The following SORCS3 variants were observed in gnomAD, a reference collection of about 807,000 sequenced individuals.
The protein encoded by SORCS3 is sortilin related VPS10 domain containing receptor 3.
SORCS3 carries 57 observed loss-of-function variants against 146.3 expected under a neutral mutation model. The ratio of observed to expected loss-of-function variants is 0.39; its 90% confidence interval spans 0.31 to 0.49. The LOEUF is 0.49. Among genes scored for constraint, SORCS3 ranks in the 20% least tolerant of loss-of-function variants. The probability of loss-of-function intolerance (pLI) is 0.92; values close to 1 mark genes in which losing one functional copy is unlikely to be tolerated. For missense variants in SORCS3, 1,341 were observed against 1,575.5 expected, an observed-to-expected ratio of 0.85 and a Z score of 2.52; for synonymous variants, 653 against 618.5, an observed-to-expected ratio of 1.06 and a Z score of -0.83.
rs182249126 is a variant in SORCS3 at position 104,989,112 on chromosome 10, G to A, written c.954+11619G>A. Among the ~76,000 whole-genome samples, 26 of 152,312 alleles carry A rather than the reference G, an allele frequency of 1.7e-4. 1 individual carries two copies. The highest frequency in any genetic ancestry group is 6.0e-4 in the African/African-American group (25 of 41,584). On this transcript the variant is annotated intron_variant, in intron 4 of 26. Coordinates refer to ENST00000369701, the MANE Select transcript of SORCS3 (RefSeq NM_014978.3). ...GGAAGCATTGTGAAGTATTTGTATT[G>A]CTGCGTGTTTCATTGCCGTATAATA...
At chr10:104,923,471 T>C (rs1441499634) in intron 3 of SORCS3, among the ~76,000 whole-genome samples, 1 of 152,224 alleles carries the variant, frequency 6.6e-6, no homozygotes, top group African/African-American at 2.4e-5. Context: ...ACACACTGGC[T>C]CTGCTGGTAG....
chr10:105,259,556 T>C (rs2056949114), intron 25 of SORCS3, among the ~76,000 whole-genome samples: 1 of 152,206 alleles, frequency 6.6e-6, no homozygotes. Flanking sequence ...CAGGCTCTCT[T>C]GCTCTTGGAT....
intron 1 of SORCS3, among the ~76,000 whole-genome samples, chr10:104,681,135 G>A (rs769230785): frequency 6.6e-6 from 1 of 152,218 alleles, no homozygotes; most frequent in Non-Finnish European, 1.5e-5. Context: ...GGAAATGTAC[G>A]TTATTTATTT....
rs530370840 is a variant in SORCS3, at chr10:104,859,797, A to C, written c.695+16938A>C. ...ACTTCTCAAAAGAAGACGTTTATGC[A>C]GCCAAAAGACACATGAAAAAATGCT... is the stretch of plus-strand genomic sequence containing the variant. On this transcript the variant is annotated intron_variant, in intron 2 of 26. Transcript: ENST00000369701. 4.3e-3 allele frequency among the ~76,000 whole-genome samples: 652 copies of C among 152,102 alleles called. 4 individuals are homozygous for C. Among genetic ancestry groups the C allele is most frequent in the South Asian group, 0.013 (61 of 4,820 alleles).
intron 14 of SORCS3, among the ~76,000 whole-genome samples, chr10:105,195,759 C>A (rs547804005): frequency 1.3e-5 from 2 of 152,304 alleles, no homozygotes; most frequent in East Asian, 1.9e-4. Flanking sequence ...AATACATTAA[C>A]GTCTGAAAGT....
chr10:105,072,589 T>A (rs985379301), intron 5 of SORCS3, among the ~76,000 whole-genome samples: 1 of 151,202 alleles, frequency 6.6e-6, no homozygotes, highest in Non-Finnish European at 1.5e-5. Flanking sequence ...AGGGCCTAGA[T>A]TTTTTCACAT....
chr10:104,903,293 C>T (rs1243969067), intron 2 of SORCS3, among the ~76,000 whole-genome samples: 1 of 152,156 alleles, frequency 6.6e-6, no homozygotes, highest in Non-Finnish European at 1.5e-5. Context: ...GGGTGACAGT[C>T]TTCCGAGAAA....
rs1039191413 is a variant in SORCS3 at position 105,184,964 on chromosome 10, C to T, written c.2009+6791C>T. 2.0e-5 allele frequency among the ~76,000 whole-genome samples: 3 copies of T among 152,158 alleles called. No homozygotes were observed. The East Asian group carries it at 5.8e-4, about 29-fold the overall frequency. On this transcript the variant is annotated intron_variant, in intron 14 of 26. Coordinates refer to ENST00000369701, the MANE Select transcript of SORCS3 (RefSeq NM_014978.3). ...ACTTTATGTGCATTGAAGAACTCTT[C>T]ATTTTCACCTCCTCCTGCCCCTGGC...
chr10:105,042,136 C>T (rs2055342317), intron 4 of SORCS3, among the ~76,000 whole-genome samples: 1 of 152,190 alleles, frequency 6.6e-6, no homozygotes, highest in African/African-American at 2.4e-5. Flanking sequence ...TCCCTGCCCC[C>T]TTATGACTCA....
rs112011265 is a variant in SORCS3 at position 104,736,288 on chromosome 10, C to T, written c.627+94334C>T. Among the ~76,000 whole-genome samples the T allele has an allele frequency of 7.6e-4, 115 of 152,216 alleles. 1 individual carries two copies. Among genetic ancestry groups the T allele is most frequent in the Non-Finnish European group, 1.2e-3 (82 of 68,008 alleles). ...TTAGATGGCACTCAGGAGGCCACGG[C>T]GGGGCGGGTTGAGGGGGGCAGGACT... On this transcript the variant is annotated intron_variant, in intron 1 of 26. Coordinates refer to ENST00000369701, the MANE Select transcript of SORCS3 (RefSeq NM_014978.3).
chr10:104,764,757 A>G (rs973145813), intron 1 of SORCS3, among the ~76,000 whole-genome samples: 1 of 152,184 alleles, frequency 6.6e-6, no homozygotes, highest in African/African-American at 2.4e-5. Flanking sequence ...CTCTAGGAAT[A>G]TATTTTTCAC....
At position 105,252,847 on chromosome 10, in the gene SORCS3, A is replaced by G; in HGVS notation, c.3178A>G (p.Ile1060Val). 6.2e-7 allele frequency: 1 copy of G among 1,614,050 alleles called. No individual in the cohort carries two copies. The highest frequency in any genetic ancestry group is 8.5e-7 in the Non-Finnish European group (1 of 1,179,978). ...PGLPTSAELF[I>V]LPPKNLTERR... The stretch of plus-strand genomic sequence containing the variant: ...TCTCCCCACTTCAGCAGAGCTTTTC[A>G]TTCTTCCACCCAAGAACCTGACAGA... Residue 1060 changes from isoleucine (I) to valine (V), a missense_variant, in exon 23 of 27, where the codon ATT becomes GTT. Ile to Val is a conservative substitution (Grantham distance 29). Coordinates refer to ENST00000369701, the MANE Select transcript of SORCS3 (RefSeq NM_014978.3).
intron 9 of SORCS3, among the ~76,000 whole-genome samples, chr10:105,150,475 G>A (rs574719515): frequency 7.6e-4 from 115 of 152,208 alleles, no homozygotes; most frequent in Middle Eastern, 3.4e-3. Flanking sequence ...TCTTTTCAAC[G>A]TTACCACTCT....
At chr10:104,930,887 A>C (rs2019199611) in intron 3 of SORCS3, among the ~76,000 whole-genome samples, 1 of 152,216 alleles carries the variant, frequency 6.6e-6, no homozygotes, top group African/African-American at 2.4e-5. Flanking sequence ...GGATTAAATG[A>C]GAAATCTTTG....
intron 3 of SORCS3, 60 bp from the exon 4 acceptor site, chr10:104,977,275 T>C: frequency 7.4e-7 from 1 of 1,359,884 alleles, no homozygotes; most frequent in Non-Finnish European, 9.9e-7. Context: ...TGATTAAAGT[T>C]ATTATATTTA....
intron 5 of SORCS3, among the ~76,000 whole-genome samples, chr10:105,047,827 G>C (rs1278298539): frequency 2.0e-5 from 3 of 152,042 alleles, no homozygotes; most frequent in Admixed American, 6.6e-5. Context: ...TTTTCAGAAA[G>C]GCCATGAGGG....
At chr10:105,163,600 A>G (rs1423776086) in intron 11 of SORCS3, among the ~76,000 whole-genome samples, 3 of 152,134 alleles carry the variant, frequency 2.0e-5, no homozygotes, top group Non-Finnish European at 4.4e-5. Flanking sequence ...TCTTTTTAAT[A>G]AGCATAGCCA....
chr10:104,682,540 A>C, intron 1 of SORCS3, among the ~76,000 whole-genome samples: 1 of 152,202 alleles, frequency 6.6e-6, no homozygotes, highest in East Asian at 1.9e-4. Context: ...CAGCTCTAAC[A>C]TTCTAATTCC....
At chr10:105,147,927 C>G (rs1439109632) in intron 9 of SORCS3, 131 bp downstream of exon 9, 2 of 682,180 alleles carry the variant, frequency 2.9e-6, no homozygotes, top group Non-Finnish European at 4.8e-6. Context: ...TGACTTTGGG[C>G]AAGGGACTTC....
Sources: allele counts gnomAD v4.1 joint callset (sites outside exome capture counted in the v4.1 genomes callset), GRCh38; gene constraint gnomAD v4.1.1; transcripts MANE v1.5; gene names NCBI Gene and HGNC (gene_info 2026-07-23, HGNC 2026-07-21).